Variants in PTPRD observed in about 807,000 individuals in gnomAD.
The protein encoded by PTPRD is protein tyrosine phosphatase receptor type D.
A neutral mutation model predicts 214.5 loss-of-function variants in PTPRD; 34 were observed. The ratio of observed to expected loss-of-function variants is 0.16; its 90% CI spans 0.12 to 0.21. The LOEUF (loss-of-function observed/expected upper bound fraction) is 0.21. Ranked by LOEUF, PTPRD falls within the 10% of genes least tolerant of loss-of-function variation. PTPRD has a pLI of 1.00. For missense variants in PTPRD, 2,545 were observed against 2,398.7 expected (o/e 1.06, Z -1.27); for synonymous variants, 1,128 against 845.7 (o/e 1.33, Z -5.79).
In PTPRD at chr9:9,645,516, A is replaced by G. The variant is rs984043516; in HGVS notation, c.-286-70735T>C. Among the ~76,000 whole-genome samples, 18 of 150,648 alleles carry G rather than the reference A, an allele frequency of 1.2e-4. No homozygotes were observed. The South Asian group carries it at 3.8e-3, about 31-fold the overall frequency. ...CTTCTATTTGAAATATCAAGTGAAC[A>G]AAACATTTTTTAATAACTTCTCAGC... On this transcript the variant is annotated intron_variant, in intron 7 of 45. Transcript: ENST00000381196.
chr9:9,244,317 C>T (rs1259652932), intron 9 of PTPRD, among the ~76,000 whole-genome samples: 1 of 151,996 alleles, frequency 6.6e-6, no homozygotes, highest in East Asian at 1.9e-4. Context: ...AAAAAAGAGC[C>T]CGCATTGCCA....
At chr9:9,880,881 T>G (rs1045085732) in intron 5 of PTPRD, among the ~76,000 whole-genome samples, 8 of 152,176 alleles carry the variant, frequency 5.3e-5, no homozygotes, top group African/African-American at 1.9e-4. Context: ...AAACTGACTT[T>G]TGGTTGTTTT....
intron 8 of PTPRD, among the ~76,000 whole-genome samples, chr9:9,404,817 T>G (rs574531794): frequency 6.6e-6 from 1 of 152,026 alleles, no homozygotes; most frequent in African/African-American, 2.4e-5. Context: ...CGAGAAGTCC[T>G]GATATTAAGA....
chr9:8,727,868 T>A (rs1407725412), intron 12 of PTPRD, among the ~76,000 whole-genome samples: 1 of 152,174 alleles, frequency 6.6e-6, no homozygotes, highest in East Asian at 1.9e-4. Context: ...TCAAATACCA[T>A]AAAGTTCTCC....
intron 10 of PTPRD, among the ~76,000 whole-genome samples, chr9:9,169,621 G>C (rs1311597144): frequency 6.6e-6 from 1 of 152,012 alleles, no homozygotes; most frequent in Non-Finnish European, 1.5e-5. Context: ...AGGCAGCTTT[G>C]TTACTCCTTC....
intron 11 of PTPRD, among the ~76,000 whole-genome samples, chr9:8,777,379 A>G (rs2095528067): frequency 6.6e-6 from 1 of 152,234 alleles, no homozygotes; most frequent in Non-Finnish European, 1.5e-5. Flanking sequence ...AAGAGCATTA[A>G]AGAAAAATGA....
At chr9:8,999,299 T>C (rs968243115) in intron 11 of PTPRD, among the ~76,000 whole-genome samples, 1 of 151,988 alleles carries the variant, frequency 6.6e-6, no homozygotes, top group African/African-American at 2.4e-5. Context: ...TGTCTTGTTT[T>C]AAAAAACCGC....
chr9:10,411,394 T>G (rs2098435189), intron 2 of PTPRD, among the ~76,000 whole-genome samples: 1 of 151,778 alleles, frequency 6.6e-6, no homozygotes, highest in African/African-American at 2.4e-5. Context: ...CAACCATATG[T>G]CTAAGTTCTT....
chr9:8,881,381 T>A lies in PTPRD; in HGVS notation c.-104+137316A>T, dbSNP rs74461139. On this transcript the variant is annotated intron_variant, in intron 11 of 45. Coordinates refer to ENST00000381196, the MANE Select transcript of PTPRD (RefSeq NM_002839.4). Reference sequence around the variant, plus strand: ...ACTCACTTCTAATATATCCATTTGGTTAGGTCAGACATATTAGGCTTTATT... The same window carrying A: ...ACTCACTTCTAATATATCCATTTGGATAGGTCAGACATATTAGGCTTTATT... 3.9e-3 allele frequency among the ~76,000 whole-genome samples: 593 copies of A among 152,296 alleles called. 4 individuals are homozygous for A. Among genetic ancestry groups the A allele is most frequent in the African/African-American group, 0.014 (563 of 41,564 alleles).
chr9:9,687,036 T>A (rs1368443472), intron 7 of PTPRD, among the ~76,000 whole-genome samples: 2 of 151,808 alleles, frequency 1.3e-5, no homozygotes, highest in African/African-American at 4.8e-5. Context: ...TATTAATTTC[T>A]CTATCCCAGC....
At chr9:8,459,816 C>T (rs2134095571) in intron 33 of PTPRD, among the ~76,000 whole-genome samples, 1 of 152,202 alleles carries the variant, frequency 6.6e-6, no homozygotes, top group South Asian at 2.1e-4. Context: ...TTTTTGGACA[C>T]ATACACGAAT....
chr9:9,423,509 G>C (rs1373247937), intron 8 of PTPRD, among the ~76,000 whole-genome samples: 3 of 152,120 alleles, frequency 2.0e-5, no homozygotes, highest in East Asian at 3.9e-4. Flanking sequence ...ACCTAGGGTA[G>C]AGAATTAAAT....
chr9:8,645,487 A>G lies in PTPRD; in HGVS notation c.65-8643T>C, dbSNP rs140779595. On this transcript the variant is annotated intron_variant, in intron 12 of 45. Transcript: ENST00000381196. Reference sequence around the variant, plus strand: ...CAATGACATATTTCTATGCATGTCTATACCATTAATTTTATTTAGGCCTCA... The same window carrying G: ...CAATGACATATTTCTATGCATGTCTGTACCATTAATTTTATTTAGGCCTCA... Among the ~76,000 whole-genome samples the G allele has an allele frequency of 1.2e-4, 18 of 152,322 alleles. No individual in the cohort carries two copies. In the East Asian group the frequency reaches 3.3e-3, roughly 28 times the overall value.
chr9:9,171,682 G>A (rs1458226183), intron 10 of PTPRD, among the ~76,000 whole-genome samples: 1 of 151,666 alleles, frequency 6.6e-6, no homozygotes, highest in Non-Finnish European at 1.5e-5. Flanking sequence ...ATATTGATGA[G>A]GAAAAAACTA....
At chr9:9,301,057 C>G (rs532983872) in intron 9 of PTPRD, among the ~76,000 whole-genome samples, 1 of 151,870 alleles carries the variant, frequency 6.6e-6, no homozygotes, top group East Asian at 1.9e-4. Flanking sequence ...TGGCACAAAG[C>G]AGGCACTCAA....
At chr9:10,226,237 A>C (rs1006276131) in intron 3 of PTPRD, among the ~76,000 whole-genome samples, 1 of 152,010 alleles carries the variant, frequency 6.6e-6, no homozygotes, top group East Asian at 1.9e-4. Flanking sequence ...TCACCTACTG[A>C]ATGTACAGTG....
At chr9:9,548,151 A>G (rs1338805328) in intron 8 of PTPRD, among the ~76,000 whole-genome samples, 1 of 151,962 alleles carries the variant, frequency 6.6e-6, no homozygotes, top group African/African-American at 2.4e-5. Context: ...AAATTCTTCA[A>G]GTTAAATGAA....
intron 9 of PTPRD, among the ~76,000 whole-genome samples, chr9:9,329,459 AG>A (rs1361355990): frequency 1.3e-5 from 2 of 152,150 alleles, no homozygotes; most frequent in African/African-American, 4.8e-5. Context: ...GTTCTTAAAA[AG>A]CATTTTGAAT....
chr9:8,427,276 C>T (rs2094743733), intron 35 of PTPRD, among the ~76,000 whole-genome samples: 1 of 152,128 alleles, frequency 6.6e-6, no homozygotes, highest in Non-Finnish European at 1.5e-5. Flanking sequence ...AGAAAAGAGC[C>T]TGAAAATAAG....
Sources: gnomAD v4.1 joint callset for allele counts (sites outside exome capture counted in the v4.1 genomes callset) on GRCh38, gnomAD v4.1.1 for gene constraint, MANE v1.5 for transcripts, NCBI Gene and HGNC (gene_info 2026-07-23, HGNC 2026-07-21) for gene names.